Variants in AGBL4 observed in about 807,000 individuals in gnomAD.
AGBL4 encodes the protein AGBL carboxypeptidase 4, also known as cytosolic carboxypeptidase 6.
Under a neutral mutation model 66.4 loss-of-function variants are expected in AGBL4, and 58 were observed. That is an observed-to-expected ratio of 0.87 (90% CI 0.71 to 1.09). The LOEUF (loss-of-function observed/expected upper bound fraction) is 1.09. Among genes scored for constraint, AGBL4 ranks in the 50% least tolerant of loss-of-function variants. The pLI is 0.00. For synonymous variants in AGBL4, 234 were observed against 222.9 expected (o/e 1.05, Z -0.44); for missense variants, 579 against 631.0 (o/e 0.92, Z 0.88).
intron 4 of AGBL4, among the ~76,000 whole-genome samples, chr1:49,129,618 C>T (rs1289270256): frequency 2.0e-5 from 3 of 151,934 alleles, no homozygotes; most frequent in Non-Finnish European, 4.4e-5. Context: ...CCAATTTCAT[C>T]CATGTCCCTA....
chr1:49,819,528 G>A (rs1292322627), intron 2 of AGBL4, among the ~76,000 whole-genome samples: 2 of 152,206 alleles, frequency 1.3e-5, no homozygotes, highest in East Asian at 1.9e-4. Flanking sequence ...TAGATAATAA[G>A]TGTCAGGTCT....
chr1:49,208,032 C>A (rs768979411), intron 4 of AGBL4, among the ~76,000 whole-genome samples: 1 of 151,938 alleles, frequency 6.6e-6, no homozygotes, highest in East Asian at 1.9e-4. Context: ...TTTTAGAATA[C>A]GTAGCTTGCT....
intron 9 of AGBL4, among the ~76,000 whole-genome samples, chr1:48,620,305 C>CT (rs138837096): frequency 0.034 from 5,140 of 152,260 alleles, 124 homozygotes; most frequent in Middle Eastern, 0.065. Flanking sequence ...GGGTCTCACT[C>CT]TGTCTCCCAG....
chr1:48,999,215 A>C (rs1661223725), intron 5 of AGBL4, among the ~76,000 whole-genome samples: 1 of 152,200 alleles, frequency 6.6e-6, no homozygotes, highest in Non-Finnish European at 1.5e-5. Context: ...TCTAGACTGC[A>C]GAAGAAAACA....
At chr1:48,750,168 G>C (rs1363503746) in intron 6 of AGBL4, among the ~76,000 whole-genome samples, 1 of 152,292 alleles carries the variant, frequency 6.6e-6, no homozygotes, top group South Asian at 2.1e-4. Flanking sequence ...GCTGTTGATT[G>C]ATTTGCCTGA....
intron 6 of AGBL4, among the ~76,000 whole-genome samples, chr1:48,739,256 C>A (rs974598488): frequency 1.3e-5 from 2 of 152,222 alleles, no homozygotes; most frequent in African/African-American, 2.4e-5. Flanking sequence ...CCTATAATCA[C>A]GACAGATTAA....
At chr1:49,358,372 G>A (rs760612762) in intron 3 of AGBL4, among the ~76,000 whole-genome samples, 4 of 151,746 alleles carry the variant, frequency 2.6e-5, no homozygotes, top group Non-Finnish European at 5.9e-5. Context: ...GTACACTCTC[G>A]TGTAGGCATG....
At chr1:49,471,222 C>T (rs1346600240) in intron 3 of AGBL4, among the ~76,000 whole-genome samples, 1 of 151,782 alleles carries the variant, frequency 6.6e-6, no homozygotes, top group Non-Finnish European at 1.5e-5. Flanking sequence ...TAATATAAGT[C>T]ATTATGTTAT....
intron 9 of AGBL4, among the ~76,000 whole-genome samples, chr1:48,607,312 C>T (rs1557824626): frequency 1.3e-5 from 2 of 152,136 alleles, no homozygotes. Flanking sequence ...AAATCTAACA[C>T]CATCATAGAA....
Position 49,888,517 on chromosome 1 carries a change from A to G in AGBL4, c.35-36999T>C, listed in dbSNP as rs550972887. 1.0e-3 allele frequency among the ~76,000 whole-genome samples: 157 copies of G among 152,320 alleles called. 4 individuals are homozygous for G. The South Asian group carries it at 0.02, about 19-fold the overall frequency. On this transcript the variant is annotated intron_variant, in intron 1 of 13. Transcript: ENST00000371839. Reference sequence around the variant, plus strand: ...ACAAATTTGTCTATACAACCACTACAGAGTAGCTATTCCTAATATTTAATT... The same window carrying G: ...ACAAATTTGTCTATACAACCACTACGGAGTAGCTATTCCTAATATTTAATT...
intron 3 of AGBL4, among the ~76,000 whole-genome samples, chr1:49,266,441 A>G (rs1557784476): frequency 6.6e-6 from 1 of 152,156 alleles, no homozygotes; most frequent in Non-Finnish European, 1.5e-5. Context: ...CATTTCCTAC[A>G]TGGAATTTTG....
chr1:49,927,183 T>C (rs184553317), intron 1 of AGBL4, among the ~76,000 whole-genome samples: 25 of 152,292 alleles, frequency 1.6e-4, no homozygotes, highest in African/African-American at 5.8e-4. Context: ...TAATCTCCTT[T>C]GCCAACACCC....
At chr1:49,887,105 A>G (rs1333522801) in intron 1 of AGBL4, among the ~76,000 whole-genome samples, 1 of 151,346 alleles carries the variant, frequency 6.6e-6, no homozygotes, top group Non-Finnish European at 1.5e-5. Context: ...AGGTGGAGTA[A>G]ACAAGTGTAA....
chr1:49,338,268 C>G (rs1043142997), intron 3 of AGBL4, among the ~76,000 whole-genome samples: 2 of 152,172 alleles, frequency 1.3e-5, no homozygotes, highest in African/African-American at 4.8e-5. Flanking sequence ...TAAACACTTT[C>G]TCATGCTGTT....
At chr1:50,001,181 A>T (rs1024681367) in intron 1 of AGBL4, among the ~76,000 whole-genome samples, 10 of 150,428 alleles carry the variant, frequency 6.6e-5, no homozygotes, top group Non-Finnish European at 1.2e-4. Flanking sequence ...ATGCACACTA[A>T]GTGTAAAATA....
chr1:48,719,442 C>T (rs1295716925), intron 6 of AGBL4, among the ~76,000 whole-genome samples: 2 of 152,192 alleles, frequency 1.3e-5, no homozygotes, highest in Non-Finnish European at 2.9e-5. Context: ...GCCTTCTCAA[C>T]TCCTCCCTCT....
intron 2 of AGBL4, among the ~76,000 whole-genome samples, chr1:49,847,840 T>G (rs1433953219): frequency 6.6e-6 from 1 of 152,070 alleles, no homozygotes; most frequent in African/African-American, 2.4e-5. Flanking sequence ...TAGCTGGGAC[T>G]ATAGGCGCCC....
chr1:48,836,799 G>A (rs1287681314), intron 6 of AGBL4, among the ~76,000 whole-genome samples: 2 of 151,942 alleles, frequency 1.3e-5, no homozygotes, highest in Non-Finnish European at 2.9e-5. Context: ...AGGAGATAAG[G>A]AAATAAATGT....
At chr1:49,854,316 G>T (rs1386266302) in intron 1 of AGBL4, among the ~76,000 whole-genome samples, 1 of 151,976 alleles carries the variant, frequency 6.6e-6, no homozygotes, top group East Asian at 2.0e-4. Flanking sequence ...AGGCATGAAA[G>T]GAGAGAGAAG....
Sources: gnomAD v4.1 joint callset for allele counts (sites outside exome capture counted in the v4.1 genomes callset) on GRCh38, gnomAD v4.1.1 for gene constraint, MANE v1.5 for transcripts, NCBI Gene and HGNC (gene_info 2026-07-23, HGNC 2026-07-21) for gene names.